Variants in LHFPL3 observed in about 807,000 individuals in gnomAD.
LHFPL3 encodes the protein LHFPL tetraspan subfamily member 3 protein.
A neutral mutation model predicts 19.3 loss-of-function variants in LHFPL3; 5 were observed. The ratio of observed to expected loss-of-function variants is 0.26; its 90% CI spans 0.14 to 0.54. The LOEUF (loss-of-function observed/expected upper bound fraction) is 0.54, where lower values mean the gene tolerates loss of function less well. Among genes scored for constraint, LHFPL3 ranks in the 20% least tolerant of loss-of-function variants. The pLI is 0.94. For missense variants in LHFPL3, 249 were observed against 307.4 expected (o/e 0.81, Z 1.42); for synonymous variants, 133 against 126.2 (o/e 1.05, Z -0.36).
chr7:104,813,068 C>T (rs1321386019), intron 2 of LHFPL3, among the ~76,000 whole-genome samples: 1 of 151,922 alleles, frequency 6.6e-6, no homozygotes, highest in Admixed American at 6.6e-5. Context: ...GAGCCGAGAT[C>T]ATGCCACTGC....
intron 2 of LHFPL3, among the ~76,000 whole-genome samples, chr7:104,842,289 C>T (rs539520503): frequency 2.5e-3 from 10 of 4,002 alleles, no homozygotes; most frequent in East Asian, 8.5e-3. Context: ...GAACCTTTTG[C>T]GGGGGTGGGG....
At chr7:104,757,738 T>C (rs1794311507) in intron 2 of LHFPL3, 1 of 152,344 alleles carries the variant, frequency 6.6e-6, no homozygotes, top group Non-Finnish European at 1.5e-5. Flanking sequence ...AAAGGAACAC[T>C]TATACACTTT....
chr7:104,426,054 A>G (rs1472810311), intron 1 of LHFPL3, among the ~76,000 whole-genome samples: 2 of 152,232 alleles, frequency 1.3e-5, no homozygotes, highest in East Asian at 3.8e-4. Flanking sequence ...AAACACACAC[A>G]GTAGTGTAAA....
intron 2 of LHFPL3, among the ~76,000 whole-genome samples, chr7:104,774,777 A>T (rs1794613541): frequency 6.6e-6 from 1 of 152,204 alleles, no homozygotes; most frequent in Non-Finnish European, 1.5e-5. Flanking sequence ...TTCCTTTTAC[A>T]GAGTTTTGCT....
intron 1 of LHFPL3, among the ~76,000 whole-genome samples, chr7:104,684,664 T>C (rs12705263): frequency 0.49 from 75,025 of 152,046 alleles, 18,935 homozygotes; most frequent in East Asian, 0.6. Context: ...ATGCCACTGA[T>C]GTGCTCTGGT....
chr7:104,399,113 G>A lies in LHFPL3; in HGVS notation c.445+69889G>A, dbSNP rs1791257084. On this transcript the variant is annotated intron_variant, in intron 1 of 2. Transcript: ENST00000424859. This position sits in a 1 kb window ranked among gnomAD's most constrained non-coding sequence, Gnocchi z 4.4. ...CTACTGAAAGACACACAGGATAGTG[G>A]GGGAAGATGTCACTTCCTATGGGGT... Among the ~76,000 whole-genome samples, 3 of 152,124 alleles carry A rather than the reference G, an allele frequency of 2.0e-5. No individual in the cohort carries two copies. The highest frequency in any genetic ancestry group is 4.4e-5 in the Non-Finnish European group (3 of 68,016).
At chr7:104,624,673 G>A (rs1235508798) in intron 1 of LHFPL3, among the ~76,000 whole-genome samples, 1 of 152,210 alleles carries the variant, frequency 6.6e-6, no homozygotes, top group Non-Finnish European at 1.5e-5. Flanking sequence ...AGATGGATAG[G>A]TGGATGGATG....
chr7:104,417,252 G>A (rs536525164), intron 1 of LHFPL3, among the ~76,000 whole-genome samples: 3 of 152,266 alleles, frequency 2.0e-5, no homozygotes, highest in East Asian at 3.9e-4. Context: ...CATGTCTCAG[G>A]TGGAATATTT....
intron 1 of LHFPL3, among the ~76,000 whole-genome samples, chr7:104,504,934 AT>A (rs943089252): frequency 4.4e-4 from 67 of 152,280 alleles, no homozygotes; most frequent in African/African-American, 1.5e-3. Flanking sequence ...GCCTGATGAA[AT>A]TTTTTTAGCC....
chr7:104,752,824 C>A, intron 2 of LHFPL3: 1 of 389,740 alleles, frequency 2.6e-6, no homozygotes, highest in Non-Finnish European at 4.5e-6. Flanking sequence ...GGCACCAGAG[C>A]AGTTTAGGTG....
chr7:104,805,634 C>T (rs1320406897), intron 2 of LHFPL3, among the ~76,000 whole-genome samples: 2 of 152,208 alleles, frequency 1.3e-5, no homozygotes, highest in East Asian at 3.8e-4. Context: ...CTAAAGGAGG[C>T]TTCACAGAGC....
intron 1 of LHFPL3, among the ~76,000 whole-genome samples, chr7:104,647,613 T>C (rs1427495048): frequency 6.6e-6 from 1 of 152,262 alleles, no homozygotes; most frequent in Non-Finnish European, 1.5e-5. Flanking sequence ...CATTCAACCA[T>C]AGTGGCTTAA....
intron 2 of LHFPL3, among the ~76,000 whole-genome samples, chr7:104,784,429 C>T (rs1293401653): frequency 6.6e-6 from 1 of 152,168 alleles, no homozygotes; most frequent in East Asian, 1.9e-4. Context: ...TAAAATAATG[C>T]ACATACTCTG....
intron 1 of LHFPL3, among the ~76,000 whole-genome samples, chr7:104,533,843 TTC>T (rs1274273528): frequency 6.6e-6 from 1 of 152,246 alleles, no homozygotes; most frequent in South Asian, 2.1e-4. Flanking sequence ...CTTGACTCTC[TTC>T]TCTCTCTCTG....
chr7:104,788,538 A>G (rs1789965778), intron 2 of LHFPL3, among the ~76,000 whole-genome samples: 1 of 152,200 alleles, frequency 6.6e-6, no homozygotes. Context: ...TGCTTAAATT[A>G]TACATGTGAG....
At chr7:104,601,324 TA>T (rs1009027321) in intron 1 of LHFPL3, among the ~76,000 whole-genome samples, 2 of 152,214 alleles carry the variant, frequency 1.3e-5, no homozygotes, top group African/African-American at 4.8e-5. Flanking sequence ...ATGATTTTTT[TA>T]AGATCCAAAT....
chr7:104,456,322 A>G (rs544417002), intron 1 of LHFPL3, among the ~76,000 whole-genome samples: 3 of 152,344 alleles, frequency 2.0e-5, no homozygotes, highest in African/African-American at 7.2e-5. Context: ...GCCGAAATGC[A>G]TACATGGAGG....
Position 104,429,487 on chromosome 7 carries a change from T to G in LHFPL3, c.445+100263T>G, listed in dbSNP as rs6977965. Reference sequence around the variant, plus strand: ...TATGCCAGGCTATTTTTTGTTTTGTTTTTTTTTTAGTAGAGATGGGGTTTT... The same window carrying G: ...TATGCCAGGCTATTTTTTGTTTTGTGTTTTTTTTAGTAGAGATGGGGTTTT... On this transcript the variant is annotated intron_variant, in intron 1 of 2. Coordinates refer to ENST00000424859, the MANE Select transcript of LHFPL3 (RefSeq NM_199000.3). Among the ~76,000 whole-genome samples the G allele has an allele frequency of 0.011, 1,689 of 150,704 alleles. 79 individuals carry two copies. In the East Asian group the frequency reaches 0.16, roughly 15 times the overall value.
intron 1 of LHFPL3, among the ~76,000 whole-genome samples, chr7:104,598,071 C>T (rs953346758): frequency 1.3e-5 from 2 of 152,108 alleles, no homozygotes; most frequent in African/African-American, 4.8e-5. Flanking sequence ...AAGAAATCAT[C>T]CATTTTCAAA....
Sources: gnomAD v4.1 joint callset for allele counts (sites outside exome capture counted in the v4.1 genomes callset) on GRCh38, gnomAD v4.1.1 for gene constraint, Gnocchi (gnomAD v3.1) non-coding constraint, MANE v1.5 for transcripts, NCBI Gene and HGNC (gene_info 2026-07-23, HGNC 2026-07-21) for gene names.